The following CUX1 variants were observed in gnomAD, a reference collection of about 807,000 sequenced individuals.
CUX1 encodes the protein cut like homeobox 1.
In CUX1, 31 loss-of-function variants were observed where a neutral mutation model predicts 158.8. That is an observed-to-expected ratio of 0.20 (90% CI 0.15 to 0.26). The LOEUF is 0.26. CUX1 is among the 10% of genes least tolerant of loss of function. The probability of loss-of-function intolerance (pLI) is 1.00; values close to 1 mark genes in which losing one functional copy is unlikely to be tolerated. For missense variants in CUX1, 1,589 were observed against 2,014.6 expected (o/e 0.79, Z 4.04); for synonymous variants, 879 against 862.1 (o/e 1.02, Z -0.34).
intron 1 of CUX1, among the ~76,000 whole-genome samples, chr7:101,851,156 T>C (rs1351792619): frequency 6.6e-6 from 1 of 152,170 alleles, no homozygotes; most frequent in African/African-American, 2.4e-5. Flanking sequence ...GTCATACTTC[T>C]CTTTTTGGCT....
Position 101,976,886 on chromosome 7 carries a change from C to CT in CUX1, c.142-51208dup, listed in dbSNP as rs547793523. On this transcript the variant is annotated intron_variant, in intron 2 of 23. Coordinates refer to ENST00000292535, the MANE Select transcript of CUX1 (RefSeq NM_181552.4). ...ATATTGTAACTAGAATTTGAATAGT[C>CT]TTTTCCCTTTCTGATTTTTTTTTTT... Among the ~76,000 whole-genome samples, 257 of 64,182 alleles carry CT rather than the reference C, an allele frequency of 4.0e-3. 2 individuals are homozygous for CT. The highest frequency in any genetic ancestry group is 7.3e-3 in the Non-Finnish European group (220 of 30,070). 42.1% of individuals were successfully genotyped at this position (64,182 alleles called of 152,430 possible).
intron 22 of CUX1, among the ~76,000 whole-genome samples, chr7:102,236,047 A>G (rs1005491504): frequency 3.3e-5 from 5 of 151,878 alleles, no homozygotes; most frequent in Non-Finnish European, 7.4e-5. Flanking sequence ...CATCCACACG[A>G]CTCTGCTTAG....
chr7:102,155,703 T>C (rs1421940870), intron 8 of CUX1, among the ~76,000 whole-genome samples: 1 of 152,248 alleles, frequency 6.6e-6, no homozygotes, highest in Non-Finnish European at 1.5e-5. Flanking sequence ...CCTTTTCTGA[T>C]ATGTTTTAAG....
rs180769485 is a variant in CUX1, at chr7:101,939,397, G to A, written c.141+23172G>A. Among the ~76,000 whole-genome samples the A allele has an allele frequency of 1.1e-4, 17 of 152,146 alleles. No homozygotes were observed. In the East Asian group the frequency reaches 2.1e-3, roughly 19 times the overall value. ...AGGGATTTTTAAGGCTGGTCAGGCA[G>A]TGCTTATGTCACAGGTCCAACATCC... On this transcript the variant is annotated intron_variant, in intron 2 of 23. Transcript: ENST00000292535.
At chr7:102,095,562 T>G (rs1291434318) in intron 4 of CUX1, among the ~76,000 whole-genome samples, 1 of 152,096 alleles carries the variant, frequency 6.6e-6, no homozygotes, top group Non-Finnish European at 1.5e-5. Flanking sequence ...GCTGGCATCC[T>G]AAAGAGTCCC....
At chr7:102,139,220 G>A (rs1554499538) in intron 8 of CUX1, among the ~76,000 whole-genome samples, 1 of 148,426 alleles carries the variant, frequency 6.7e-6, no homozygotes, top group African/African-American at 2.5e-5. Flanking sequence ...ACTCCAGCCT[G>A]GGCAACAGAG....
chr7:101,896,575 C>T (rs1335478550), intron 1 of CUX1, among the ~76,000 whole-genome samples: 1 of 152,168 alleles, frequency 6.6e-6, no homozygotes, highest in East Asian at 1.9e-4. Context: ...CACAAATGCT[C>T]AGACTTTCCC....
chr7:102,254,808 T>G lies in CUX1; in HGVS notation c.*5766T>G, dbSNP rs782591297. ...TGGTTGGATCTCAGCGTGTACTGAA[T>G]GCCAGTCTGGCCGGCACACTCGAAC... is the stretch of plus-strand genomic sequence containing the variant. On this transcript the variant is annotated 3_prime_UTR_variant, in exon 24 of 24. Coordinates refer to ENST00000292535, the MANE Select transcript of CUX1 (RefSeq NM_181552.4). The G allele has an allele frequency of 2.0e-6, 2 of 985,476 alleles. No homozygotes were observed. The highest frequency in any genetic ancestry group is 2.4e-6 in the Non-Finnish European group (2 of 829,954). The allele number at this position is 985,476 out of a possible 1,614,324, so 61.0% of individuals were successfully genotyped here. A position where few individuals can be genotyped will look rare whatever the true frequency, so the allele number is the denominator to read the frequency against.
intron 2 of CUX1, among the ~76,000 whole-genome samples, chr7:101,951,863 A>C (rs1809102639): frequency 6.6e-6 from 1 of 152,234 alleles, no homozygotes; most frequent in Admixed American, 6.5e-5. Context: ...ACTGTAAAGA[A>C]CCAGATGGTA....
intron 4 of CUX1, among the ~76,000 whole-genome samples, chr7:102,073,669 G>A (rs2130638074): frequency 6.6e-6 from 1 of 152,200 alleles, no homozygotes; most frequent in East Asian, 1.9e-4. Flanking sequence ...CTTTACCTGA[G>A]CCAACCTTGT....
intron 1 of CUX1, among the ~76,000 whole-genome samples, chr7:101,904,160 C>T (rs1485866571): frequency 4.8e-5 from 7 of 147,150 alleles, no homozygotes; most frequent in Non-Finnish European, 1.0e-4. Flanking sequence ...ATTAGCTGGA[C>T]ATGGTGGCAC....
At chr7:101,827,018 G>T (rs1793381539) in intron 1 of CUX1, among the ~76,000 whole-genome samples, 1 of 152,170 alleles carries the variant, frequency 6.6e-6, no homozygotes, top group Non-Finnish European at 1.5e-5. Context: ...CTATGGAATA[G>T]ATGTTTCTTT....
intron 4 of CUX1, 87 bp from the exon 5 acceptor site, chr7:102,097,253 GGGAGCCCCCGGAGCTGATGTCCCA>G: frequency 7.5e-7 from 1 of 1,325,820 alleles, no homozygotes; most frequent in Non-Finnish European, 1.0e-6. Context: ...GTGGCCTCTG[GGGAGCCCCCGGAGCTGATGTCCCA>G]GGAGCCCCAC....
chr7:101,987,444 C>T (rs1336489996), intron 2 of CUX1, among the ~76,000 whole-genome samples: 3 of 152,188 alleles, frequency 2.0e-5, no homozygotes, highest in Non-Finnish European at 4.4e-5. Flanking sequence ...TGGAGCACTG[C>T]TTGCTTTGAA....
chr7:102,201,697 C>T lies in CUX1; in HGVS notation c.2400C>T (p.Ala800=), dbSNP rs1012864344. 12 of 1,612,480 alleles carry T rather than the reference C, an allele frequency of 7.4e-6. No individual in the cohort carries two copies. The highest frequency in any genetic ancestry group is 5.0e-5 in the Admixed American group (3 of 59,998). The change falls in exon 18 of 24, where the codon GCC becomes GCT. Residue 800 remains alanine, a synonymous_variant. Coordinates refer to ENST00000292535, the MANE Select transcript of CUX1 (RefSeq NM_181552.4). This position sits in a 1 kb window ranked among gnomAD's most constrained non-coding sequence, Gnocchi z 5.0. ...DAPGLDPQGA[A]DCAQGVLRQV... The stretch of plus-strand genomic sequence containing the variant: ...CCGGGCTGGACCCCCAGGGAGCAGC[C>T]GATTGTGCACAAGGGGTCCTGAGAC...
At chr7:101,881,564 C>G (rs946480577) in intron 1 of CUX1, among the ~76,000 whole-genome samples, 7 of 152,214 alleles carry the variant, frequency 4.6e-5, no homozygotes, top group African/African-American at 1.7e-4. Flanking sequence ...GGGAAGAAAT[C>G]TGTTCCCGTC....
chr7:102,059,182 T>C (rs1165293520), intron 3 of CUX1, among the ~76,000 whole-genome samples: 1 of 152,228 alleles, frequency 6.6e-6, no homozygotes. Context: ...TGGAAGGGCT[T>C]TGTAAACTCA....
chr7:101,920,885 G>A (rs1563011734), intron 2 of CUX1, among the ~76,000 whole-genome samples: 1 of 152,084 alleles, frequency 6.6e-6, no homozygotes, highest in Non-Finnish European at 1.5e-5. Context: ...GAATATAGTG[G>A]CACAATCATA....
chr7:102,116,558 T>A (rs781936619), intron 8 of CUX1, among the ~76,000 whole-genome samples: 3 of 152,042 alleles, frequency 2.0e-5, no homozygotes, highest in Non-Finnish European at 2.9e-5. Context: ...GGTGGGAGGA[T>A]CACGTGAACC....
Sources: gnomAD v4.1 joint callset for allele counts (sites outside exome capture counted in the v4.1 genomes callset) on GRCh38, gnomAD v4.1.1 for gene constraint, Gnocchi (gnomAD v3.1) non-coding constraint, MANE v1.5 for transcripts, NCBI Gene and HGNC (gene_info 2026-07-23, HGNC 2026-07-21) for gene names.